The following COMMD1 variants were observed in gnomAD, a reference collection of about 807,000 sequenced individuals.
The protein encoded by COMMD1 is COMM domain-containing protein 1.
A neutral mutation model predicts 17.2 loss-of-function variants in COMMD1; 10 were observed. The ratio of observed to expected loss-of-function variants is 0.58; its 90% CI spans 0.36 to 0.99. The LOEUF is 0.99. Among genes scored for constraint, COMMD1 ranks in the 50% least tolerant of loss-of-function variants. COMMD1 has a pLI of 0.01. For synonymous variants in COMMD1, 97 were observed against 91.6 expected, an observed-to-expected ratio of 1.06 and a Z score of -0.34; for missense variants, 270 against 231.8, an observed-to-expected ratio of 1.17 and a Z score of -1.07.
rs191854974 is a variant in COMMD1 at position 62,023,209 on chromosome 2, A to C, written c.462+22227A>C. ...CCATTGTACTCCAGCCTGGGCAACAAGAGCAAAACTCTGTCTCAAAAAAAA... is the reference window on the plus strand; with the variant it reads ...CCATTGTACTCCAGCCTGGGCAACACGAGCAAAACTCTGTCTCAAAAAAAA... On this transcript the variant is annotated intron_variant, in intron 2 of 2. Transcript: ENST00000311832. Among the ~76,000 whole-genome samples, 442 of 152,014 alleles carry C rather than the reference A, an allele frequency of 2.9e-3. 1 individual carries two copies. Among genetic ancestry groups the C allele is most frequent in the African/African-American group, 9.2e-3 (383 of 41,448 alleles).
chr2:62,067,080 C>T (rs1558584617), intron 2 of COMMD1, among the ~76,000 whole-genome samples: 1 of 152,022 alleles, frequency 6.6e-6, no homozygotes, highest in Non-Finnish European at 1.5e-5. Context: ...TAGGTTCCGG[C>T]CGGGCATGGT....
chr2:62,008,071 A>G (rs977974486), intron 2 of COMMD1, among the ~76,000 whole-genome samples: 5 of 152,116 alleles, frequency 3.3e-5, no homozygotes, highest in African/African-American at 9.7e-5. Flanking sequence ...AATCCAAGCT[A>G]CTCGATAGAG....
chr2:62,113,078 G>A (rs149192742), intron 2 of COMMD1, among the ~76,000 whole-genome samples: 1 of 152,134 alleles, frequency 6.6e-6, no homozygotes, highest in Non-Finnish European at 1.5e-5. Context: ...GGACTGGGTG[G>A]CCCATGCCTG....
intron 2 of COMMD1, among the ~76,000 whole-genome samples, chr2:62,099,942 C>T (rs886818366): frequency 2.6e-5 from 4 of 152,136 alleles, no homozygotes; most frequent in African/African-American, 9.7e-5. Context: ...GGAACTCACT[C>T]TCTCATTTGC....
chr2:62,027,066 C>T (rs1423278305), intron 2 of COMMD1, among the ~76,000 whole-genome samples: 2 of 152,008 alleles, frequency 1.3e-5, no homozygotes, highest in Non-Finnish European at 2.9e-5. Context: ...TGTCTTAGTA[C>T]TATTGAGATA....
At chr2:62,105,621 C>T (rs932459774) in intron 2 of COMMD1, among the ~76,000 whole-genome samples, 7 of 152,168 alleles carry the variant, frequency 4.6e-5, no homozygotes, top group South Asian at 2.1e-4. Context: ...GTCAGAAGTT[C>T]GAGACAAGCC....
upstream of COMMD1, chr2:61,905,567 C>G: frequency 4.4e-6 from 5 of 1,126,320 alleles, no homozygotes; most frequent in Non-Finnish European, 6.1e-6. Context: ...GAAGCCTTGC[C>G]TCCAGGTTCC....
chr2:61,904,212 C>T (rs1310077633), upstream of COMMD1, among the ~76,000 whole-genome samples: 6 of 152,006 alleles, frequency 3.9e-5, no homozygotes, highest in African/African-American at 1.4e-4. Flanking sequence ...GGGGTTTCAC[C>T]GTGTTAGCCA....
At chr2:62,033,319 C>T (rs1292864680) in intron 2 of COMMD1, among the ~76,000 whole-genome samples, 1 of 152,206 alleles carries the variant, frequency 6.6e-6, no homozygotes, top group African/African-American at 2.4e-5. Flanking sequence ...TCTGCTGATA[C>T]AGGATATGCT....
chr2:61,977,579 A>G (rs1671839793), intron 1 of COMMD1, among the ~76,000 whole-genome samples: 1 of 152,084 alleles, frequency 6.6e-6, no homozygotes. Flanking sequence ...TTGGAACCCA[A>G]TTGTTTCTAA....
intron 2 of COMMD1, among the ~76,000 whole-genome samples, chr2:62,051,790 GT>G (rs1463467547): frequency 1.3e-5 from 2 of 152,170 alleles, no homozygotes; most frequent in Non-Finnish European, 2.9e-5. Flanking sequence ...TGTATGTTCA[GT>G]AAAGCATGTT....
At chr2:61,980,724 C>G (rs1671931361) in intron 1 of COMMD1, among the ~76,000 whole-genome samples, 1 of 150,048 alleles carries the variant, frequency 6.7e-6, no homozygotes, top group African/African-American at 2.5e-5. Context: ...ATGGTAGTTT[C>G]TTTTGCTGTG....
chr2:62,103,347 T>A (rs1672238521), intron 2 of COMMD1, among the ~76,000 whole-genome samples: 1 of 152,212 alleles, frequency 6.6e-6, no homozygotes, highest in Non-Finnish European at 1.5e-5. Flanking sequence ...TTCCCCTGTA[T>A]CTTTGGTTCT....
chr2:62,017,729 T>C (rs1253102367), intron 2 of COMMD1, among the ~76,000 whole-genome samples: 1 of 151,376 alleles, frequency 6.6e-6, no homozygotes, highest in African/African-American at 2.4e-5. Context: ...GCTCTGTTCA[T>C]GTAATTCTTT....
rs1254882560 is a variant in COMMD1 at position 61,976,746 on chromosome 2, C to G, written c.181-23955C>G. Among the ~76,000 whole-genome samples, 3 of 151,754 alleles carry G rather than the reference C, an allele frequency of 2.0e-5. 1 individual carries two copies. Among genetic ancestry groups the G allele is most frequent in the Non-Finnish European group, 2.9e-5 (2 of 67,950 alleles). On this transcript the variant is annotated intron_variant, in intron 1 of 2. Coordinates refer to ENST00000311832, the MANE Select transcript of COMMD1 (RefSeq NM_152516.4). ...GAACACAGAATTTTTAGTAGTAAAC[C>G]ATAATATAAACTATAGACTTTGGTA...
exon 1 of COMMD1, chr2:61,888,826 G>A (rs995825569): frequency 2.5e-6 from 1 of 399,162 alleles, no homozygotes; most frequent in Non-Finnish European, 4.5e-6. Context: ...GACAACGCGC[G>A]ATTTTAAAGG....
intron 1 of COMMD1, among the ~76,000 whole-genome samples, chr2:61,949,734 G>C (rs1254446073): frequency 6.6e-6 from 1 of 152,226 alleles, no homozygotes; most frequent in Non-Finnish European, 1.5e-5. Flanking sequence ...TTTGACACTG[G>C]GTAGGTGATG....
chr2:62,019,932 A>G (rs560791842), intron 2 of COMMD1, among the ~76,000 whole-genome samples: 1 of 152,334 alleles, frequency 6.6e-6, no homozygotes, highest in East Asian at 1.9e-4. Flanking sequence ...CTAAATCTCT[A>G]CAATACACTC....
intron 2 of COMMD1, among the ~76,000 whole-genome samples, chr2:62,021,871 GT>G (rs575607153): frequency 6.6e-4 from 101 of 152,240 alleles, no homozygotes; most frequent in African/African-American, 2.4e-3. Context: ...TAATCACTGT[GT>G]TTTTAACATC....
Sources: allele counts gnomAD v4.1 joint callset (sites outside exome capture counted in the v4.1 genomes callset), GRCh38; gene constraint gnomAD v4.1.1; transcripts MANE v1.5; gene names NCBI Gene and HGNC (gene_info 2026-07-23, HGNC 2026-07-21).